Variants in CPVL observed in about 807,000 individuals in gnomAD.
The protein encoded by CPVL is probable serine carboxypeptidase CPVL.
In CPVL, 51 loss-of-function variants were observed where a neutral mutation model predicts 63.7. The observed-to-expected ratio is 0.80, with a 90% confidence interval of 0.64 to 1.01. The LOEUF is 1.01. Among genes scored for constraint, CPVL ranks in the 50% least tolerant of loss-of-function variants. The probability of loss-of-function intolerance (pLI) is 0.00; values close to 1 mark genes in which losing one functional copy is unlikely to be tolerated. For synonymous variants in CPVL, 195 were observed against 206.0 expected (o/e 0.95, Z 0.46); for missense variants, 530 against 573.1 (o/e 0.92, Z 0.77).
At chr7:29,009,710 T>A (rs1785610176) in intron 12 of CPVL, 1 of 152,144 alleles carries the variant, frequency 6.6e-6, no homozygotes, top group Admixed American at 6.6e-5. Flanking sequence ...TGGATACGTA[T>A]GTCTGCAGTA....
At chr7:29,128,200 T>C (rs1790267742) in intron 1 of CPVL, 1 of 150,874 alleles carries the variant, frequency 6.6e-6, no homozygotes, top group Non-Finnish European at 1.5e-5. Flanking sequence ...TTTTTTTTTT[T>C]TTTTAAACCA....
chr7:29,153,858 C>T (rs1262655070), intron 5 of CPVL, among the ~76,000 whole-genome samples: 3 of 152,182 alleles, frequency 2.0e-5, no homozygotes, highest in Non-Finnish European at 2.9e-5. Flanking sequence ...GCATGAGCCA[C>T]CGCACCTGGC....
At chr7:29,028,829 G>C (rs1340473956) in intron 12 of CPVL, among the ~76,000 whole-genome samples, 1 of 151,956 alleles carries the variant, frequency 6.6e-6, no homozygotes, top group African/African-American at 2.4e-5. Flanking sequence ...GCCGGGTGTG[G>C]TGGCAGGCGC....
At chr7:29,088,368 G>A (rs146447377) in intron 6 of CPVL, among the ~76,000 whole-genome samples, 200 of 152,072 alleles carry the variant, frequency 1.3e-3, no homozygotes, top group African/African-American at 4.6e-3. Flanking sequence ...CTTCTATCTC[G>A]AAAATGGCAG....
intron 2 of CPVL, among the ~76,000 whole-genome samples, chr7:29,186,065 A>G (rs1798670130): frequency 6.6e-6 from 1 of 152,172 alleles, no homozygotes; most frequent in Non-Finnish European, 1.5e-5. Flanking sequence ...ACTCTGAGCA[A>G]CTGGAAGTTG....
At chr7:29,184,241 T>A (rs1189790228) in intron 4 of CPVL, among the ~76,000 whole-genome samples, 1 of 150,742 alleles carries the variant, frequency 6.6e-6, no homozygotes, top group Non-Finnish European at 1.5e-5. Flanking sequence ...GAGATATACA[T>A]ATACAATCTA....
chr7:29,085,698 G>A (rs1032965720), intron 7 of CPVL, among the ~76,000 whole-genome samples: 3 of 152,180 alleles, frequency 2.0e-5, no homozygotes, highest in African/African-American at 7.2e-5. Context: ...CCACCTTGAC[G>A]CAGTGATCCA....
chr7:29,071,717 T>TC, intron 9 of CPVL, 56 bp downstream of exon 9: 3 of 341,400 alleles, frequency 8.8e-6, no homozygotes, highest in Middle Eastern at 4.2e-4. Context: ...TCACCCGCCC[T>TC]CCCTCCCCAG....
At chr7:29,184,160 GATA>G (rs1798415568) in intron 4 of CPVL, among the ~76,000 whole-genome samples, 1 of 111,880 alleles carries the variant, frequency 8.9e-6, no homozygotes, top group African/African-American at 3.6e-5. Context: ...ATGATAGATA[GATA>G]GATAGATAGA....
chr7:29,072,306 C>G lies in CPVL; in HGVS notation c.727G>C (p.Glu243Gln). 6.2e-7 allele frequency: 1 copy of G among 1,613,934 alleles called. No individual in the cohort carries two copies. Residue 243 changes from glutamate to glutamine, a missense_variant, in exon 8 of 13, where the codon GAA (glutamate) becomes CAA (glutamine). Coordinates refer to ENST00000265394, the MANE Select transcript of CPVL (RefSeq NM_031311.5). ...AGTCAGAAGGAGAAACCTACTGATT[C>G]GGGATCAGAATATCCATCTCCAATA... is the stretch of plus-strand genomic sequence containing the variant. ...IAIGDGYSDP[E>Q]SIIGGYAEFL...
intron 5 of CPVL, among the ~76,000 whole-genome samples, chr7:29,154,334 C>T (rs1433285226): frequency 1.3e-5 from 2 of 152,190 alleles, no homozygotes; most frequent in South Asian, 4.1e-4. Flanking sequence ...AGTGAATCAG[C>T]CTCTAGCATG....
intron 5 of CPVL, among the ~76,000 whole-genome samples, chr7:29,160,759 G>T (rs1444302322): frequency 6.6e-6 from 1 of 152,184 alleles, no homozygotes; most frequent in East Asian, 1.9e-4. Context: ...GGCTAAAAGA[G>T]CCTGGGCTCT....
At chr7:29,002,666 A>C (rs1392562003) in intron 12 of CPVL, among the ~76,000 whole-genome samples, 1 of 152,110 alleles carries the variant, frequency 6.6e-6, no homozygotes. Flanking sequence ...AATAATTCAC[A>C]AGATAATTAG....
intron 3 of CPVL, among the ~76,000 whole-genome samples, chr7:29,098,049 T>C (rs1322023010): frequency 6.6e-6 from 1 of 152,104 alleles, no homozygotes; most frequent in East Asian, 1.9e-4. Flanking sequence ...ATGGCATGGC[T>C]CGTTGGATGG....
intron 11 of CPVL, among the ~76,000 whole-genome samples, chr7:29,041,125 G>GCTTTTTTT: frequency 8.0e-6 from 1 of 125,640 alleles, no homozygotes; most frequent in Non-Finnish European, 1.6e-5. Flanking sequence ...TCAATAACTG[G>GCTTTTTTT]ATTTTTTTTT....
intron 6 of CPVL, among the ~76,000 whole-genome samples, chr7:29,091,477 G>A (rs1785779829): frequency 6.6e-6 from 1 of 152,180 alleles, no homozygotes; most frequent in Admixed American, 6.5e-5. Flanking sequence ...CCTGGCCCTG[G>A]CTCTGAAGAA....
chr7:29,079,352 TCAC>T (rs1429221567), intron 7 of CPVL, among the ~76,000 whole-genome samples: 1 of 152,176 alleles, frequency 6.6e-6, no homozygotes, highest in Non-Finnish European at 1.5e-5. Flanking sequence ...GCTCATTTCT[TCAC>T]CACCATCTTC....
At chr7:29,019,069 T>TG (rs1786700867) in intron 12 of CPVL, among the ~76,000 whole-genome samples, 1 of 150,002 alleles carries the variant, frequency 6.7e-6, no homozygotes, top group Admixed American at 6.6e-5. Context: ...ATATATATAT[T>TG]TACATATCTA....
chr7:29,178,052 C>A (rs1213590962), intron 5 of CPVL, among the ~76,000 whole-genome samples: 1 of 152,136 alleles, frequency 6.6e-6, no homozygotes, highest in Non-Finnish European at 1.5e-5. Context: ...TATCTCATGC[C>A]TCACATTCCA....
Sources: allele counts gnomAD v4.1 joint callset (sites outside exome capture counted in the v4.1 genomes callset), GRCh38; gene constraint gnomAD v4.1.1; transcripts MANE v1.5; gene names NCBI Gene and HGNC (gene_info 2026-07-23, HGNC 2026-07-21).